Variants in PEX5L observed in about 807,000 individuals in gnomAD.
The protein encoded by PEX5L is peroxisomal biogenesis factor 5 like.
A neutral mutation model predicts 84.0 loss-of-function variants in PEX5L; 30 were observed. The ratio of observed to expected loss-of-function variants is 0.36; its 90% CI spans 0.27 to 0.48. The LOEUF (loss-of-function observed/expected upper bound fraction) is 0.48. Ranked by LOEUF, PEX5L falls within the 20% of genes least tolerant of loss-of-function variation. PEX5L has a pLI of 0.99. For missense variants in PEX5L, 533 were observed against 754.6 expected (o/e 0.71, Z 3.44); for synonymous variants, 270 against 283.1 (o/e 0.95, Z 0.46).
At chr3:179,961,494 G>A (rs1420448511) in intron 2 of PEX5L, among the ~76,000 whole-genome samples, 1 of 152,144 alleles carries the variant, frequency 6.6e-6, no homozygotes, top group African/African-American at 2.4e-5. Context: ...GACATGCACT[G>A]TAAAGTCTGG....
intron 7 of PEX5L, among the ~76,000 whole-genome samples, chr3:179,866,359 C>A (rs1040308893): frequency 2.6e-5 from 4 of 152,144 alleles, no homozygotes; most frequent in Non-Finnish European, 5.9e-5. Context: ...TCATTGAAAG[C>A]ATATGCTGGA....
At chr3:179,802,773 C>T (rs1719564584) in intron 14 of PEX5L, among the ~76,000 whole-genome samples, 1 of 151,782 alleles carries the variant, frequency 6.6e-6, no homozygotes, top group Admixed American at 6.6e-5. Flanking sequence ...CCCATTAGTG[C>T]TAGATGTATG....
chr3:180,010,128 G>C (rs1042432697), intron 1 of PEX5L, among the ~76,000 whole-genome samples: 1 of 151,808 alleles, frequency 6.6e-6, no homozygotes, highest in Non-Finnish European at 1.5e-5. Flanking sequence ...TGTATTTTTA[G>C]TAGAGACGGG....
At chr3:179,875,219 C>T (rs1380042235) in intron 6 of PEX5L, 135 bp downstream of exon 6, 2 of 727,234 alleles carry the variant, frequency 2.8e-6, no homozygotes, top group Non-Finnish European at 4.5e-6. Context: ...TGGTAGAAGC[C>T]ACAATAATTG....
chr3:180,031,771 A>G (rs1050725107), intron 1 of PEX5L, among the ~76,000 whole-genome samples: 7 of 152,254 alleles, frequency 4.6e-5, no homozygotes, highest in African/African-American at 1.7e-4. Flanking sequence ...TGTTTTGACT[A>G]CATGGTGTAT....
chr3:179,882,117 A>G (rs1487190938), intron 4 of PEX5L, among the ~76,000 whole-genome samples: 1 of 152,232 alleles, frequency 6.6e-6, no homozygotes, highest in Non-Finnish European at 1.5e-5. Flanking sequence ...GAGGAAAGGA[A>G]ATTGATGGCA....
chr3:179,856,845 T>C (rs1287141895), intron 8 of PEX5L, among the ~76,000 whole-genome samples: 1 of 152,212 alleles, frequency 6.6e-6, no homozygotes, highest in Non-Finnish European at 1.5e-5. Context: ...CCATTCTTTT[T>C]ACTTGAAGAC....
chr3:180,036,491 G>C (rs1344819520), intron 1 of PEX5L, 88 bp downstream of exon 1: 3 of 1,202,470 alleles, frequency 2.5e-6, no homozygotes, highest in Non-Finnish European at 3.7e-6. Context: ...CTGTGCGAAG[G>C]CAGCACTTGA....
chr3:179,957,093 G>T (rs1424214303), intron 2 of PEX5L, among the ~76,000 whole-genome samples: 1 of 152,092 alleles, frequency 6.6e-6, no homozygotes, highest in African/African-American at 2.4e-5. Flanking sequence ...GTGGAAAAAT[G>T]AGCGTAACAT....
At chr3:180,019,485 T>C (rs1345714722) in intron 1 of PEX5L, among the ~76,000 whole-genome samples, 1 of 152,204 alleles carries the variant, frequency 6.6e-6, no homozygotes, top group Non-Finnish European at 1.5e-5. Flanking sequence ...TGAGGATACC[T>C]CATTTTAAAT....
At position 179,799,948 on chromosome 3, in the gene PEX5L, C is replaced by T. The variant is rs1334791958; in HGVS notation, c.*1880G>A. 1.3e-5 allele frequency: 2 copies of T among 152,232 alleles called. No individual in the cohort carries two copies. Among genetic ancestry groups the T allele is most frequent in the Non-Finnish European group, 2.9e-5 (2 of 68,068 alleles). The allele number at this position is 152,232 out of a possible 1,614,324, so 9.4% of individuals were successfully genotyped here. On this transcript the variant is annotated 3_prime_UTR_variant, in exon 15 of 15. Transcript: ENST00000467460. The stretch of plus-strand genomic sequence containing the variant: ...CCTGAATGCCTCTGCCTTCTGCTGA[C>T]CAGCTGGAGCTACCACCTGGCCCAA...
intron 7 of PEX5L, among the ~76,000 whole-genome samples, chr3:179,866,743 G>A (rs1335285442): frequency 1.3e-5 from 2 of 151,768 alleles, no homozygotes; most frequent in South Asian, 2.1e-4. Context: ...AAGTACACAC[G>A]GCCGGGCACG....
intron 8 of PEX5L, among the ~76,000 whole-genome samples, chr3:179,827,481 C>T (rs1015364478): frequency 3.9e-5 from 6 of 152,178 alleles, no homozygotes; most frequent in Admixed American, 2.0e-4. Flanking sequence ...GCCTTCAAGC[C>T]ACTCTGACAC....
At chr3:179,944,492 C>T (rs9811879) in intron 2 of PEX5L, among the ~76,000 whole-genome samples, 5,316 of 152,242 alleles carry the variant, frequency 0.035, 321 homozygotes, top group African/African-American at 0.12. Context: ...GAGGAATAAA[C>T]GAAATGCCTG....
intron 1 of PEX5L, among the ~76,000 whole-genome samples, chr3:179,999,777 G>T (rs1428006117): frequency 2.0e-5 from 3 of 152,212 alleles, no homozygotes; most frequent in Admixed American, 6.5e-5. Context: ...TATGGCTAAA[G>T]AAGTGTGGCA....
At chr3:180,036,157 G>A (rs1465745144) in intron 1 of PEX5L, among the ~76,000 whole-genome samples, 3 of 151,180 alleles carry the variant, frequency 2.0e-5, no homozygotes, top group Non-Finnish European at 4.4e-5. Context: ...GAAAGTGACA[G>A]AGTGTTCTAA....
intron 1 of PEX5L, among the ~76,000 whole-genome samples, chr3:180,009,087 A>C (rs55647727): frequency 0.21 from 31,276 of 152,130 alleles, 4,033 homozygotes; most frequent in African/African-American, 0.36. Context: ...AGTTTTAAAA[A>C]AACTTATTTT....
intron 2 of PEX5L, among the ~76,000 whole-genome samples, chr3:179,914,720 G>C (rs1766413125): frequency 6.6e-6 from 1 of 152,224 alleles, no homozygotes; most frequent in East Asian, 1.9e-4. Context: ...GCAAAGACAA[G>C]GGATGGTGAT....
chr3:180,024,370 A>ATATG (rs1790720765), intron 1 of PEX5L, among the ~76,000 whole-genome samples: 1 of 118,886 alleles, frequency 8.4e-6, no homozygotes, highest in East Asian at 2.1e-4. Flanking sequence ...ATATATATAT[A>ATATG]TATACACACA....
Sources: allele counts gnomAD v4.1 joint callset (sites outside exome capture counted in the v4.1 genomes callset), GRCh38; gene constraint gnomAD v4.1.1; transcripts MANE v1.5; gene names NCBI Gene and HGNC (gene_info 2026-07-23, HGNC 2026-07-21).